The following SORCS3 variants were observed in gnomAD, a reference collection of about 807,000 sequenced individuals.
The protein encoded by SORCS3 is VPS10 domain-containing receptor SorCS3.
Under a neutral mutation model 146.3 loss-of-function variants are expected in SORCS3, and 57 were observed. The observed-to-expected ratio is 0.39, with a 90% CI of 0.31 to 0.49. The LOEUF (loss-of-function observed/expected upper bound fraction) is 0.49. Ranked by LOEUF, SORCS3 falls within the 20% of genes least tolerant of loss-of-function variation. SORCS3 has a pLI of 0.92. For missense variants in SORCS3, 1,341 were observed against 1,575.5 expected (o/e 0.85, Z 2.52); for synonymous variants, 653 against 618.5 (o/e 1.06, Z -0.83).
intron 2 of SORCS3, among the ~76,000 whole-genome samples, chr10:104,897,850 C>G (rs12359434): frequency 1.3e-5 from 2 of 152,192 alleles, no homozygotes; most frequent in Non-Finnish European, 1.5e-5. Context: ...GGTAGTCCCA[C>G]GTATGCTTGC....
intron 1 of SORCS3, among the ~76,000 whole-genome samples, chr10:104,749,565 T>G (rs2016959909): frequency 6.6e-6 from 1 of 152,190 alleles, no homozygotes. Context: ...TTCATTATTT[T>G]CTCATTGAAT....
At chr10:104,691,806 T>C (rs1034472665) in intron 1 of SORCS3, among the ~76,000 whole-genome samples, 2 of 152,156 alleles carry the variant, frequency 1.3e-5, no homozygotes, top group Non-Finnish European at 2.9e-5. Flanking sequence ...AGTGGTGTGA[T>C]CATAGCTCAC....
chr10:104,742,715 C>T lies in SORCS3; in HGVS notation c.628-100077C>T, dbSNP rs187855840. The stretch of plus-strand genomic sequence containing the variant: ...TCTGGACACTAAAAATAAGGGCAAA[C>T]ATCTTGACAACTGAACCAGTCAAAG... On this transcript the variant is annotated intron_variant, in intron 1 of 26. Transcript: ENST00000369701. Among the ~76,000 whole-genome samples the T allele has an allele frequency of 5.3e-5, 8 of 152,338 alleles. No homozygotes were observed. The East Asian group carries it at 1.5e-3, about 29-fold the overall frequency.
chr10:104,845,134 C>T (rs1327440774), intron 2 of SORCS3, among the ~76,000 whole-genome samples: 1 of 152,180 alleles, frequency 6.6e-6, no homozygotes, highest in Non-Finnish European at 1.5e-5. Flanking sequence ...TTACTTCCTT[C>T]CTCTCTCTGG....
chr10:104,929,640 C>A (rs1226245508), intron 3 of SORCS3, among the ~76,000 whole-genome samples: 1 of 152,210 alleles, frequency 6.6e-6, no homozygotes, highest in Non-Finnish European at 1.5e-5. Context: ...TGTCTCTGGG[C>A]TTCAAGCTGG....
intron 3 of SORCS3, among the ~76,000 whole-genome samples, chr10:104,935,106 G>T (rs530726298): frequency 3.3e-5 from 5 of 152,302 alleles, no homozygotes; most frequent in African/African-American, 9.6e-5. Flanking sequence ...GCCAATCATC[G>T]TATGATTAAT....
At chr10:104,799,298 T>A (rs1307649917) in intron 1 of SORCS3, among the ~76,000 whole-genome samples, 1 of 152,210 alleles carries the variant, frequency 6.6e-6, no homozygotes, top group Non-Finnish European at 1.5e-5. Flanking sequence ...CCAACCCAAA[T>A]GTCCATCAAT....
chr10:104,659,687 C>T (rs891431495), intron 1 of SORCS3, among the ~76,000 whole-genome samples: 3 of 152,160 alleles, frequency 2.0e-5, no homozygotes, highest in Non-Finnish European at 2.9e-5. Context: ...GATATAATCC[C>T]ATTTTGCCTG....
intron 1 of SORCS3, among the ~76,000 whole-genome samples, chr10:104,721,777 T>C (rs2016553045): frequency 6.6e-6 from 1 of 152,064 alleles, no homozygotes; most frequent in Non-Finnish European, 1.5e-5. Flanking sequence ...GGCTCTCTGT[T>C]TGTCTGTTAT....
intron 5 of SORCS3, among the ~76,000 whole-genome samples, chr10:105,082,169 G>T (rs575344799): frequency 6.6e-6 from 1 of 152,284 alleles, no homozygotes; most frequent in African/African-American, 2.4e-5. Flanking sequence ...TTCTCCACTG[G>T]GGAGGAGACC....
chr10:105,217,912 G>T, intron 19 of SORCS3: 2 of 454,030 alleles, frequency 4.4e-6, no homozygotes, highest in Admixed American at 4.7e-5. Context: ...AGTGATATTC[G>T]TGGGTCTAAG....
At chr10:104,820,878 G>C (rs1254240496) in intron 1 of SORCS3, among the ~76,000 whole-genome samples, 1 of 152,180 alleles carries the variant, frequency 6.6e-6, no homozygotes, top group South Asian at 2.1e-4. Context: ...GTCTTGAGAA[G>C]TCATGATAGG....
intron 8 of SORCS3, 77 bp from the exon 9 acceptor site, chr10:105,147,540 A>G (rs2056139687): frequency 1.5e-6 from 2 of 1,291,450 alleles, no homozygotes; most frequent in Non-Finnish European, 2.1e-6. Flanking sequence ...TTCATAAGTC[A>G]TAGTAATTAC....
At chr10:104,817,318 T>G (rs907610447) in intron 1 of SORCS3, among the ~76,000 whole-genome samples, 7 of 151,422 alleles carry the variant, frequency 4.6e-5, no homozygotes, top group African/African-American at 1.7e-4. Flanking sequence ...ACTGTTTTTT[T>G]CCTTTTCTCC....
chr10:105,139,768 T>G (rs1203944363), intron 8 of SORCS3, among the ~76,000 whole-genome samples: 1 of 152,112 alleles, frequency 6.6e-6, no homozygotes, highest in Non-Finnish European at 1.5e-5. Context: ...GAACACTAGC[T>G]TTGGAATCTC....
chr10:104,973,586 T>G (rs1222244136), intron 3 of SORCS3, among the ~76,000 whole-genome samples: 1 of 150,554 alleles, frequency 6.6e-6, no homozygotes, highest in Non-Finnish European at 1.5e-5. Context: ...TCTTCTCTCT[T>G]TTTTTCTTTA....
At chr10:105,088,032 A>G (rs999892499) in intron 5 of SORCS3, among the ~76,000 whole-genome samples, 1 of 152,186 alleles carries the variant, frequency 6.6e-6, no homozygotes, top group Non-Finnish European at 1.5e-5. Flanking sequence ...CAGTGATACT[A>G]GGGAAGGAAG....
chr10:104,924,175 GC>G (rs1331001818), intron 3 of SORCS3, among the ~76,000 whole-genome samples: 1 of 152,124 alleles, frequency 6.6e-6, no homozygotes, highest in Non-Finnish European at 1.5e-5. Flanking sequence ...AGCTTAAAGG[GC>G]TCTCGGAGAC....
chr10:104,829,598 A>C (rs1011127569), intron 1 of SORCS3, among the ~76,000 whole-genome samples: 2 of 152,146 alleles, frequency 1.3e-5, no homozygotes, highest in Non-Finnish European at 2.9e-5. Context: ...GCCATGAGGA[A>C]TCTGGATTGA....
Sources: gnomAD v4.1 joint callset for allele counts (sites outside exome capture counted in the v4.1 genomes callset) on GRCh38, gnomAD v4.1.1 for gene constraint, MANE v1.5 for transcripts, NCBI Gene and HGNC (gene_info 2026-07-23, HGNC 2026-07-21) for gene names.